The following FGF9 variants were observed in gnomAD, a reference collection of about 807,000 sequenced individuals.
FGF9 encodes the protein fibroblast growth factor 9.
FGF9 carries 3 observed loss-of-function variants against 19.9 expected under a neutral mutation model. The observed-to-expected ratio is 0.15, with a 90% CI of 0.07 to 0.39. The LOEUF is 0.39. Ranked by LOEUF, FGF9 falls within the 10% of genes least tolerant of loss-of-function variation. FGF9 has a pLI of 1.00. For missense variants in FGF9, 175 were observed against 256.8 expected (o/e 0.68, Z 2.18); for synonymous variants, 107 against 106.9 (o/e 1.00, Z -0.01).
intron 2 of FGF9, among the ~76,000 whole-genome samples, chr13:21,682,855 A>G (rs1370335307): frequency 6.6e-6 from 1 of 152,106 alleles, no homozygotes; most frequent in Admixed American, 6.5e-5. Context: ...TTGATCACGT[A>G]TCCCCACCAA....
At position 21,701,172 on chromosome 13, in the gene FGF9, C is replaced by T. The variant is rs770003715; in HGVS notation, c.382-18C>T. 2.5e-6 allele frequency: 4 copies of T among 1,610,586 alleles called. No individual in the cohort carries two copies. In the East Asian group the frequency reaches 8.9e-5, roughly 36 times the overall value. ...TTAGCTATTTTTCCTAATGCTCTCC[C>T]TCTTTTTCTTTTTACAGGAAAAACT... On this transcript the variant is annotated intron_variant, in intron 2 of 2. Coordinates refer to ENST00000382353, the MANE Select transcript of FGF9 (RefSeq NM_002010.3).
intron 1 of FGF9, chr13:21,673,860 C>T: frequency 6.6e-6 from 1 of 150,846 alleles, no homozygotes; most frequent in Non-Finnish European, 1.5e-5. Context: ...CGCTCGGCCG[C>T]CCGGGCCCCG....
chr13:21,674,527 G>C (rs551020799), intron 1 of FGF9, among the ~76,000 whole-genome samples: 4 of 151,906 alleles, frequency 2.6e-5, no homozygotes, highest in African/African-American at 9.6e-5. Context: ...GAGCGCGGCG[G>C]GGGCGCACGG....
chr13:21,672,249 A>G lies in FGF9; in HGVS notation c.277+60A>G. 6.3e-7 allele frequency: 1 copy of G among 1,598,852 alleles called. No individual in the cohort carries two copies. Among genetic ancestry groups the G allele is most frequent in the Non-Finnish European group, 8.6e-7 (1 of 1,167,062 alleles). ...ATGACATGTTGAAATTATAACTACC[A>G]AGAAGGTGGTGGCCGGGTGGGGGAC... On this transcript the variant is annotated intron_variant, in intron 1 of 2. Transcript: ENST00000382353. This position sits in a 1 kb window ranked among gnomAD's most constrained non-coding sequence, Gnocchi z 4.2.
chr13:21,688,167 A>G (rs1872204031), intron 2 of FGF9, among the ~76,000 whole-genome samples: 1 of 152,216 alleles, frequency 6.6e-6, no homozygotes, highest in South Asian at 2.1e-4. Context: ...GTGGAACAGG[A>G]TACCACACCA....
intron 2 of FGF9, among the ~76,000 whole-genome samples, chr13:21,693,712 G>T (rs755228143): frequency 5.9e-5 from 9 of 152,176 alleles, no homozygotes; most frequent in Non-Finnish European, 8.8e-5. Context: ...AGGCCCCAGA[G>T]TGCAAGGAAG....
At chr13:21,676,135 G>A (rs1871910129) in intron 1 of FGF9, among the ~76,000 whole-genome samples, 1 of 152,116 alleles carries the variant, frequency 6.6e-6, no homozygotes, top group African/African-American at 2.4e-5. Flanking sequence ...ATCATTTGGG[G>A]AAATAGTAAT....
At chr13:21,700,017 T>G (rs1237355409) in intron 2 of FGF9, among the ~76,000 whole-genome samples, 1 of 5,310 alleles carries the variant, frequency 1.9e-4, no homozygotes, top group African/African-American at 3.9e-4. Context: ...TGGGATGTGG[T>G]GTGTGTGTGT....
chr13:21,679,024 T>C (rs1871978459), intron 1 of FGF9, among the ~76,000 whole-genome samples: 2 of 152,186 alleles, frequency 1.3e-5, no homozygotes, highest in South Asian at 4.1e-4. Context: ...AGGGAGTGCA[T>C]CTCATGAAAA....
At chr13:21,678,206 A>C (rs1212366644) in intron 1 of FGF9, among the ~76,000 whole-genome samples, 3 of 152,256 alleles carry the variant, frequency 2.0e-5, no homozygotes, top group Non-Finnish European at 2.9e-5. Context: ...TCAATGCCAG[A>C]AAAAGAAACG....
In FGF9 at chr13:21,701,651, C is replaced by CTTGA; in HGVS notation, c.*219_*222dup. On this transcript the variant is annotated 3_prime_UTR_variant, in exon 3 of 3. Transcript: ENST00000382353. ...CTGGAGGGCTGCCTAGGGCCACTTG[C>CTTGA]TTGATTTATCATGAGAGAAGAGGAG... is the stretch of plus-strand genomic sequence containing the variant. The CTTGA allele has an allele frequency of 1.8e-6, 1 of 564,402 alleles. No homozygotes were observed. The highest frequency in any genetic ancestry group is 3.1e-6 in the Non-Finnish European group (1 of 318,742). The allele number at this position is 564,402 out of a possible 1,614,324, so 35.0% of individuals were successfully genotyped here. A position where few individuals can be genotyped will look rare whatever the true frequency, so the allele number is the denominator to read the frequency against.
intron 1 of FGF9, among the ~76,000 whole-genome samples, chr13:21,674,823 AC>A (rs1454467280): frequency 6.6e-6 from 1 of 151,332 alleles, no homozygotes; most frequent in African/African-American, 2.4e-5. Flanking sequence ...GGCGGGGGCC[AC>A]GCGGGAGGGG....
chr13:21,704,474 A>G lies in FGF9; in HGVS notation c.*3039A>G, dbSNP rs1872608256. ...ATACAGGATTATGTAATTTGTGTAAATACATAATTACAGAGTTTTGAAAAC... is the reference window on the plus strand; with the variant it reads ...ATACAGGATTATGTAATTTGTGTAAGTACATAATTACAGAGTTTTGAAAAC... On this transcript the variant is annotated 3_prime_UTR_variant, in exon 3 of 3. Transcript: ENST00000382353. 6.6e-6 allele frequency: 1 copy of G among 152,222 alleles called. No homozygotes were observed. Among genetic ancestry groups the G allele is most frequent in the African/African-American group, 2.4e-5 (1 of 41,454 alleles). 9.4% of individuals were successfully genotyped at this position (152,222 alleles called of 1,614,324 possible). A position where few individuals can be genotyped will look rare whatever the true frequency, so the allele number is the denominator to read the frequency against.
In FGF9 at chr13:21,701,442, C is replaced by T; in HGVS notation, c.*7C>T. 6.2e-7 allele frequency: 1 copy of T among 1,613,998 alleles called. No individual in the cohort carries two copies. The highest frequency in any genetic ancestry group is 8.5e-7 in the Non-Finnish European group (1 of 1,179,924). ...TATTCTAAGCCAAAGTTGACAAAGA[C>T]AGTTTCTTCACTTGAGCCCTTAAAA... On this transcript the variant is annotated 3_prime_UTR_variant, in exon 3 of 3. Transcript: ENST00000382353.
intron 2 of FGF9, among the ~76,000 whole-genome samples, chr13:21,695,938 A>G (rs1251551387): frequency 1.3e-5 from 2 of 152,188 alleles, no homozygotes; most frequent in Non-Finnish European, 2.9e-5. Flanking sequence ...GGACAAAACG[A>G]CACCACATGT....
chr13:21,676,230 G>T (rs1371270289), intron 1 of FGF9, among the ~76,000 whole-genome samples: 5 of 152,038 alleles, frequency 3.3e-5, no homozygotes, highest in African/African-American at 9.7e-5. Flanking sequence ...TTTTGGCTGG[G>T]GTTAGGTAGC....
intron 2 of FGF9, among the ~76,000 whole-genome samples, chr13:21,682,528 T>C (rs915512392): frequency 6.6e-6 from 1 of 152,158 alleles, no homozygotes; most frequent in Non-Finnish European, 1.5e-5. Context: ...TATTTGTAAG[T>C]ATAGGATTGA....
intron 1 of FGF9, among the ~76,000 whole-genome samples, chr13:21,674,935 TAGAGGTC>T (rs1871872367): frequency 1.3e-5 from 2 of 150,226 alleles, no homozygotes; most frequent in South Asian, 4.2e-4. Context: ...CCCTCACCCC[TAGAGGTC>T]AGAGAAAGGT....
intron 2 of FGF9, 128 bp from the exon 3 acceptor site, chr13:21,701,062 G>A (rs17840925): frequency 1.0e-5 from 7 of 699,848 alleles, no homozygotes; most frequent in Admixed American, 4.8e-5. Context: ...TGTAGGATGC[G>A]CAGGTTTGTT....
Sources: gnomAD v4.1 joint callset for allele counts (sites outside exome capture counted in the v4.1 genomes callset) on GRCh38, gnomAD v4.1.1 for gene constraint, Gnocchi (gnomAD v3.1) non-coding constraint, MANE v1.5 for transcripts, NCBI Gene and HGNC (gene_info 2026-07-23, HGNC 2026-07-21) for gene names.